Variants in KLHL2 observed in about 807,000 individuals in gnomAD.
KLHL2 encodes kelch like family member 2, also known as kelch-like protein 2.
In KLHL2, 15 loss-of-function variants were observed where a neutral mutation model predicts 75.8. The ratio of observed to expected loss-of-function variants is 0.20; its 90% CI spans 0.13 to 0.30. The LOEUF (loss-of-function observed/expected upper bound fraction) is 0.30, where lower values mean the gene tolerates loss of function less well. Ranked by LOEUF, KLHL2 falls within the 10% of genes least tolerant of loss-of-function variation. The pLI is 1.00. For missense variants in KLHL2, 381 were observed against 741.0 expected, an observed-to-expected ratio of 0.51 and a Z score of 5.64; for synonymous variants, 214 against 251.9, an observed-to-expected ratio of 0.85 and a Z score of 1.42.
chr4:165,287,501 A>G (rs1744181945), intron 5 of KLHL2, among the ~76,000 whole-genome samples: 1 of 152,146 alleles, frequency 6.6e-6, no homozygotes, highest in Non-Finnish European at 1.5e-5. Flanking sequence ...ATTCTTCTGG[A>G]TATATACACA....
At chr4:165,310,108 C>T (rs187492284) in intron 9 of KLHL2, among the ~76,000 whole-genome samples, 472 of 152,178 alleles carry the variant, frequency 3.1e-3, no homozygotes, top group Non-Finnish European at 5.1e-3. Context: ...GAGGCCAAGG[C>T]GGGCAGATCA....
intron 8 of KLHL2, among the ~76,000 whole-genome samples, chr4:165,300,116 G>A (rs559128507): frequency 1.3e-5 from 2 of 151,726 alleles, no homozygotes; most frequent in African/African-American, 2.4e-5. Flanking sequence ...ACGTGAAACC[G>A]TGTCTCTACT....
intron 3 of KLHL2, among the ~76,000 whole-genome samples, chr4:165,232,878 CTTTTTTTT>C (rs912954260): frequency 5.7e-5 from 3 of 52,584 alleles, no homozygotes; most frequent in Admixed American, 2.5e-4. Flanking sequence ...CCCTGTTAAG[CTTTTTTTT>C]TTTTTTTTTT....
chr4:165,213,654 A>G (rs1031985411), intron 1 of KLHL2, among the ~76,000 whole-genome samples: 3 of 152,112 alleles, frequency 2.0e-5, no homozygotes, highest in Non-Finnish European at 4.4e-5. Flanking sequence ...TCCTGTTTAG[A>G]TGGTAAATGG....
At chr4:165,301,806 C>T (rs1745370075) in intron 8 of KLHL2, among the ~76,000 whole-genome samples, 2 of 151,928 alleles carry the variant, frequency 1.3e-5, no homozygotes, top group South Asian at 2.1e-4. Context: ...TTGTATATTC[C>T]TTCCTCTAGC....
At chr4:165,297,073 A>C (rs1417105413) in intron 6 of KLHL2, among the ~76,000 whole-genome samples, 2 of 152,188 alleles carry the variant, frequency 1.3e-5, no homozygotes, top group African/African-American at 2.4e-5. Context: ...TTTCCTGCAA[A>C]CCTTTAAAGA....
At chr4:165,236,681 G>T (rs1417231959) in intron 3 of KLHL2, among the ~76,000 whole-genome samples, 1 of 152,132 alleles carries the variant, frequency 6.6e-6, no homozygotes, top group African/African-American at 2.4e-5. Context: ...TATGGGCTTT[G>T]ATTCATAGTA....
In KLHL2 at chr4:165,294,483, C is replaced by G; in HGVS notation, c.654+15C>G. On this transcript the variant is annotated intron_variant, in intron 6 of 14. Transcript: ENST00000226725. ...CAGAAGAGAAGGTAAGGATATTTTT[C>G]TTTTCCCAGTGTGCAATGATGTTTC... 1.4e-6 allele frequency: 2 copies of G among 1,402,834 alleles called. No individual in the cohort carries two copies. Among genetic ancestry groups the G allele is most frequent in the Non-Finnish European group, 2.0e-6 (2 of 999,716 alleles). The allele number at this position is 1,402,834 out of a possible 1,614,324, so 86.9% of individuals were successfully genotyped here. A position where few individuals can be genotyped will look rare whatever the true frequency, so the allele number is the denominator to read the frequency against.
intron 5 of KLHL2, among the ~76,000 whole-genome samples, chr4:165,275,200 C>T (rs901382154): frequency 4.6e-5 from 7 of 151,818 alleles, no homozygotes; most frequent in African/African-American, 1.7e-4. Context: ...AAATTTTTCT[C>T]AGTTAACCCC....
intron 1 of KLHL2, among the ~76,000 whole-genome samples, chr4:165,217,733 C>T (rs567870915): frequency 6.6e-6 from 1 of 152,286 alleles, no homozygotes; most frequent in East Asian, 1.9e-4. Context: ...TTCATGGCTT[C>T]GTGTACCATC....
chr4:165,210,811 T>G (rs1016790549), intron 1 of KLHL2, among the ~76,000 whole-genome samples: 6 of 152,370 alleles, frequency 3.9e-5, no homozygotes, highest in African/African-American at 1.4e-4. Flanking sequence ...AGGATTTTCA[T>G]AATAAGTTGA....
rs147447885 is a variant in KLHL2, at chr4:165,208,752, T to A, written c.26+850T>A. ...ATTTCAATTTTGGTTCCCTCTTCTCTTAGGAAGGAACAAGAGTCCTTTGAA... is the reference window on the plus strand; with the variant it reads ...ATTTCAATTTTGGTTCCCTCTTCTCATAGGAAGGAACAAGAGTCCTTTGAA... On this transcript the variant is annotated intron_variant, in intron 1 of 14. Transcript: ENST00000226725. Among the ~76,000 whole-genome samples, 9 of 152,308 alleles carry A rather than the reference T, an allele frequency of 5.9e-5. No individual in the cohort carries two copies. In the East Asian group the frequency reaches 1.5e-3, roughly 26 times the overall value.
intron 13 of KLHL2, among the ~76,000 whole-genome samples, chr4:165,315,985 C>G (rs557037970): frequency 1.1e-4 from 17 of 152,252 alleles, no homozygotes; most frequent in African/African-American, 3.9e-4. Flanking sequence ...CCTAGCACAT[C>G]TGTAATAGGT....
chr4:165,310,555 A>C lies in KLHL2; in HGVS notation c.1042A>C (p.Met348Leu). 1 of 1,613,762 alleles carries C rather than the reference A, an allele frequency of 6.2e-7. No homozygotes were observed. Among genetic ancestry groups the C allele is most frequent in the Non-Finnish European group, 8.5e-7 (1 of 1,179,662 alleles). The change falls in exon 10 of 15, where the codon ATG (methionine) becomes CTG (leucine). Residue 348 changes from methionine (M) to leucine (L), a missense_variant and splice_region_variant. Physicochemically the swap from Met to Leu is conservative, Grantham distance 15. This residue lies in a region of KLHL2 where 168 missense variants were observed against 370.4 expected (regional missense o/e 0.45). Coordinates refer to ENST00000226725, the MANE Select transcript of KLHL2 (RefSeq NM_007246.4). ...ELPSRRCRAGMVYMAGLVFAV... is the reference protein window; with the variant it reads ...ELPSRRCRAGLVYMAGLVFAV... ...TAAATGCTGTACTCCTTTTGCAGGC[A>C]TGGTCTACATGGCTGGACTTGTTTT...
chr4:165,305,868 C>T lies in KLHL2; in HGVS notation c.1039+143C>T, dbSNP rs1352876080. On this transcript the variant is annotated intron_variant, in intron 9 of 14. Coordinates refer to ENST00000226725, the MANE Select transcript of KLHL2 (RefSeq NM_007246.4). ...ATGTAGTTAAACAGTAATTCAGGGG[C>T]CTCATATGCCTCTCAAGACATTGAT... 6.5e-6 allele frequency: 4 copies of T among 619,108 alleles called. No individual in the cohort carries two copies. The East Asian group carries it at 8.1e-5, about 13-fold the overall frequency. 38.4% of individuals were successfully genotyped at this position (619,108 alleles called of 1,614,324 possible).
intron 5 of KLHL2, among the ~76,000 whole-genome samples, chr4:165,275,322 T>A (rs1224233197): frequency 6.6e-6 from 1 of 152,096 alleles, no homozygotes; most frequent in Non-Finnish European, 1.5e-5. Context: ...ATTTTTAGCA[T>A]TTTTTGCAGG....
intron 3 of KLHL2, 37 bp from the exon 4 acceptor site, chr4:165,238,741 C>A (rs769453912): frequency 6.2e-7 from 1 of 1,611,764 alleles, no homozygotes; most frequent in South Asian, 1.1e-5. Flanking sequence ...ACAGCAGTGT[C>A]TTGCTGTAAC....
intron 5 of KLHL2, among the ~76,000 whole-genome samples, chr4:165,271,613 T>C (rs1438744066): frequency 6.7e-6 from 1 of 148,206 alleles, no homozygotes. Flanking sequence ...TAGTTTGACT[T>C]TCTCTTTTCC....
chr4:165,233,501 T>G lies in KLHL2; in HGVS notation c.259+4588T>G, dbSNP rs1739080844. Among the ~76,000 whole-genome samples, 4 of 152,286 alleles carry G rather than the reference T, an allele frequency of 2.6e-5. No homozygotes were observed. The South Asian group carries it at 8.3e-4, about 32-fold the overall frequency. ...TTTTGTCATATTGAACATGATTCAG[T>G]AAAATAAATTAGAATAGGAAAAGAC... On this transcript the variant is annotated intron_variant, in intron 3 of 14. Transcript: ENST00000226725.
Sources: gnomAD v4.1 joint callset for allele counts (sites outside exome capture counted in the v4.1 genomes callset) on GRCh38, gnomAD v4.1.1 for gene constraint, gnomAD v4.1.1 regional missense constraint, MANE v1.5 for transcripts, NCBI Gene and HGNC (gene_info 2026-07-23, HGNC 2026-07-21) for gene names.